The following DPYSL5 variants were observed in gnomAD, a reference collection of about 807,000 sequenced individuals.
DPYSL5 encodes dihydropyrimidinase-related protein 5.
A neutral mutation model predicts 58.4 loss-of-function variants in DPYSL5; 9 were observed. That is an observed-to-expected ratio of 0.15 (90% CI 0.09 to 0.27). DPYSL5 has a LOEUF of 0.27. DPYSL5 is among the 10% of genes least tolerant of loss of function. The pLI is 1.00. For missense variants in DPYSL5, 499 were observed against 770.6 expected, an observed-to-expected ratio of 0.65 and a Z score of 4.17; for synonymous variants, 293 against 301.9, an observed-to-expected ratio of 0.97 and a Z score of 0.31.
chr2:26,939,914 G>A (rs945350951), intron 8 of DPYSL5, 117 bp from the exon 9 acceptor site: 11 of 1,406,600 alleles, frequency 7.8e-6, no homozygotes, highest in African/African-American at 1.4e-5. Context: ...CGGCAGAGCT[G>A]AAATTGGAGT....
chr2:26,939,978 C>A, intron 8 of DPYSL5, 53 bp from the exon 9 acceptor site: 1 of 1,610,434 alleles, frequency 6.2e-7, no homozygotes, highest in African/African-American at 1.3e-5. Context: ...TCCTCACCCT[C>A]TAAGTTCCTC....
Position 26,934,427 on chromosome 2 carries a change from C to T in DPYSL5, c.791-151C>T. 1.1e-6 allele frequency: 1 copy of T among 921,106 alleles called. No individual in the cohort carries two copies. Among genetic ancestry groups the T allele is most frequent in the Non-Finnish European group, 1.6e-6 (1 of 627,424 alleles). The allele number at this position is 921,106 out of a possible 1,614,324, so 57.1% of individuals were successfully genotyped here. On this transcript the variant is annotated intron_variant, in intron 7 of 12. Coordinates refer to ENST00000288699, the MANE Select transcript of DPYSL5 (RefSeq NM_020134.4). This position sits in a 1 kb window ranked among gnomAD's most constrained non-coding sequence, Gnocchi z 4.3. ...AATAGGGAGGCTCTCTGGGCTTGAA[C>T]CCAGCTGTGCTCTTAAAAGCCCTGT...
chr2:26,927,510 G>C lies in DPYSL5; in HGVS notation c.600+78G>C. On this transcript the variant is annotated intron_variant, in intron 4 of 12. Transcript: ENST00000288699. The surrounding 1 kb of genome is among the most constrained non-coding windows in gnomAD (Gnocchi z 4.3). ...GTTCTCAGGGGATTCCTGACCACCC[G>C]TCACTGATCCCACAGGATTCAGACA... 1 of 1,520,964 alleles carries C rather than the reference G, an allele frequency of 6.6e-7. No individual in the cohort carries two copies. The highest frequency in any genetic ancestry group is 8.9e-7 in the Non-Finnish European group (1 of 1,122,436). The allele number at this position is 1,520,964 out of a possible 1,614,324, so 94.2% of individuals were successfully genotyped here. A position where few individuals can be genotyped will look rare whatever the true frequency, so the allele number is the denominator to read the frequency against.
chr2:26,848,803 G>A (rs945754592), intron 1 of DPYSL5, among the ~76,000 whole-genome samples: 3 of 152,208 alleles, frequency 2.0e-5, no homozygotes, highest in Non-Finnish European at 4.4e-5. Flanking sequence ...CTAACGGAGC[G>A]GACGCCTGCA....
intron 1 of DPYSL5, among the ~76,000 whole-genome samples, chr2:26,892,895 C>A (rs1416325220): frequency 6.6e-6 from 1 of 151,932 alleles, no homozygotes; most frequent in Non-Finnish European, 1.5e-5. Context: ...ATTAAAACTC[C>A]AGTTTTTAGG....
At chr2:26,939,868 A>G in intron 8 of DPYSL5, 163 bp from the exon 9 acceptor site, 1 of 813,190 alleles carries the variant, frequency 1.2e-6, no homozygotes, top group Non-Finnish European at 2.0e-6. Flanking sequence ...AGGTTCACAT[A>G]GATGCAGTAA....
At chr2:26,900,397 G>T (rs1410489667) in intron 2 of DPYSL5, among the ~76,000 whole-genome samples, 1 of 152,126 alleles carries the variant, frequency 6.6e-6, no homozygotes, top group African/African-American at 2.4e-5. Context: ...GGCTTCTTTT[G>T]CTCAAAAATT....
intron 1 of DPYSL5, among the ~76,000 whole-genome samples, chr2:26,851,880 G>C (rs894001458): frequency 2.6e-5 from 4 of 152,104 alleles, no homozygotes; most frequent in African/African-American, 9.7e-5. Context: ...CTGGGAGGCC[G>C]AGGTTGCAGT....
chr2:26,882,395 A>C (rs1488403183), intron 1 of DPYSL5, among the ~76,000 whole-genome samples: 1 of 151,242 alleles, frequency 6.6e-6, no homozygotes, highest in African/African-American at 2.4e-5. Context: ...ACAGGCGCAC[A>C]CCACCATGCC....
chr2:26,893,334 A>G (rs1328908612), intron 1 of DPYSL5, among the ~76,000 whole-genome samples: 2 of 152,206 alleles, frequency 1.3e-5, no homozygotes, highest in Non-Finnish European at 2.9e-5. Flanking sequence ...CAAATATCTG[A>G]CATGTGCCCT....
Position 26,940,072 on chromosome 2 carries a change from C to T in DPYSL5, c.989C>T (p.Thr330Ile). ...GTGGCATCAGATCACCGGCCTTTCA[C>T]CACAAAGCAGAAAGCTATGGGCAAG... Reference protein sequence around the residue: ...NIVASDHRPFTTKQKAMGKED... With the variant: ...NIVASDHRPFITKQKAMGKED... The change falls in exon 9 of 13, where the codon ACC becomes ATC. Residue 330 changes from threonine (T) to isoleucine (I), a missense_variant. By Grantham distance (89) the Thr-to-Ile change is moderately conservative. Transcript: ENST00000288699. The T allele has an allele frequency of 1.2e-6, 2 of 1,614,210 alleles. No homozygotes were observed. The highest frequency in any genetic ancestry group is 1.1e-5 in the South Asian group (1 of 91,078).
chr2:26,865,858 G>A (rs1042837172), intron 1 of DPYSL5, among the ~76,000 whole-genome samples: 1 of 152,182 alleles, frequency 6.6e-6, no homozygotes, highest in African/African-American at 2.4e-5. Flanking sequence ...ACAGATATCT[G>A]TAACACACAG....
chr2:26,858,733 C>T (rs1349333195), intron 1 of DPYSL5, among the ~76,000 whole-genome samples: 1 of 126,052 alleles, frequency 7.9e-6, no homozygotes, highest in East Asian at 2.0e-4. Context: ...CCACACCCAG[C>T]TATTTTTTTT....
At chr2:26,919,836 C>A (rs965816392) in intron 2 of DPYSL5, among the ~76,000 whole-genome samples, 2 of 152,080 alleles carry the variant, frequency 1.3e-5, no homozygotes, top group Non-Finnish European at 2.9e-5. Context: ...AATGCTCAAG[C>A]ACTGTGTGAA....
Position 26,933,319 on chromosome 2 carries a change from C to A in DPYSL5, c.776C>A (p.Ala259Asp), listed in dbSNP as rs758066334. ...ATCTCGGCTGGTGACGTTATCGCAG[C>A]TGCTAAGATGCAAGGTGAGTCCATA... ...SSISAGDVIA[A>D]AKMQGKVVLA... is the part of the protein sequence containing the mutation. Residue 259 changes from alanine to aspartate, a missense_variant, in exon 7 of 13, where the codon GCT becomes GAT. Physicochemically the swap from Ala to Asp is moderately radical, Grantham distance 126. Transcript: ENST00000288699. This position sits in a 1 kb window ranked among gnomAD's most constrained non-coding sequence, Gnocchi z 4.2. The A allele has an allele frequency of 1.2e-6, 2 of 1,614,062 alleles. No individual in the cohort carries two copies. Among genetic ancestry groups the A allele is most frequent in the East Asian group, 4.5e-5 (2 of 44,872 alleles).
chr2:26,874,646 T>G (rs1663365289), intron 1 of DPYSL5, among the ~76,000 whole-genome samples: 1 of 152,312 alleles, frequency 6.6e-6, no homozygotes, highest in Middle Eastern at 3.4e-3. Flanking sequence ...AAATAAGGTT[T>G]TAAAAAAGCA....
At position 26,849,758 on chromosome 2, in the gene DPYSL5, C is replaced by T. The variant is rs918997768; in HGVS notation, c.-5+1504C>T. ...TTTCTGGTGCTGGGAATACTCCCTG[C>T]GGAACCTCCGGGCACGTGCTGGCTT... On this transcript the variant is annotated intron_variant, in intron 1 of 12. Coordinates refer to ENST00000288699, the MANE Select transcript of DPYSL5 (RefSeq NM_020134.4). This position sits in a 1 kb window ranked among gnomAD's most constrained non-coding sequence, Gnocchi z 6.2. 6.6e-6 allele frequency among the ~76,000 whole-genome samples: 1 copy of T among 152,184 alleles called. No homozygotes were observed. Among genetic ancestry groups the T allele is most frequent in the African/African-American group, 2.4e-5 (1 of 41,444 alleles).
chr2:26,940,553 C>A (rs539272489), intron 9 of DPYSL5, among the ~76,000 whole-genome samples: 2 of 147,518 alleles, frequency 1.4e-5, no homozygotes, highest in Non-Finnish European at 3.0e-5. Context: ...GTCTTGAACT[C>A]ATGGGCTCAA....
chr2:26,859,422 A>G (rs1430282090), intron 1 of DPYSL5, among the ~76,000 whole-genome samples: 2 of 151,860 alleles, frequency 1.3e-5, no homozygotes, highest in Non-Finnish European at 2.9e-5. Flanking sequence ...TAGTTTTCAC[A>G]TTAAGAGAAA....
Sources: gnomAD v4.1 joint callset for allele counts (sites outside exome capture counted in the v4.1 genomes callset) on GRCh38, gnomAD v4.1.1 for gene constraint, Gnocchi (gnomAD v3.1) non-coding constraint, MANE v1.5 for transcripts, NCBI Gene and HGNC (gene_info 2026-07-23, HGNC 2026-07-21) for gene names.